HDAC9: variants seen among roughly 807,000 people sequenced by gnomAD.
The protein encoded by HDAC9 is histone deacetylase 9.
Under a neutral mutation model 139.4 loss-of-function variants are expected in HDAC9, and 41 were observed. The ratio of observed to expected loss-of-function variants is 0.29; its 90% CI spans 0.23 to 0.38. The LOEUF (loss-of-function observed/expected upper bound fraction) is 0.38. HDAC9 is among the 10% of genes least tolerant of loss of function. HDAC9 has a pLI of 1.00. For missense variants in HDAC9, 1,147 were observed against 1,297.0 expected (o/e 0.88, Z 1.78); for synonymous variants, 517 against 476.2 (o/e 1.09, Z -1.12).
chr7:18,779,533 G>A (rs887384345), intron 16 of HDAC9, among the ~76,000 whole-genome samples: 10 of 151,964 alleles, frequency 6.6e-5, no homozygotes, highest in South Asian at 4.1e-4. Flanking sequence ...AAAACTGCTC[G>A]GAATAGTTTT....
intron 1 of HDAC9, among the ~76,000 whole-genome samples, chr7:18,105,818 A>G (rs986526665): frequency 6.6e-6 from 1 of 152,214 alleles, no homozygotes; most frequent in African/African-American, 2.4e-5. Context: ...GAAAGTGGAA[A>G]CAACCCAAAT....
chr7:18,433,177 C>A (rs1431858748), intron 1 of HDAC9, among the ~76,000 whole-genome samples: 1 of 152,112 alleles, frequency 6.6e-6, no homozygotes, highest in Non-Finnish European at 1.5e-5. Context: ...AAAAAAGGCT[C>A]TTGATAAAAT....
intron 2 of HDAC9, among the ~76,000 whole-genome samples, chr7:18,521,943 CA>C (rs1805187456): frequency 6.6e-6 from 1 of 152,104 alleles, no homozygotes; most frequent in Non-Finnish European, 1.5e-5. Flanking sequence ...GTTGAATGAA[CA>C]TTTGTTGAAA....
At chr7:18,408,200 A>G (rs1438403427) in intron 1 of HDAC9, among the ~76,000 whole-genome samples, 2 of 152,326 alleles carry the variant, frequency 1.3e-5, no homozygotes, top group Admixed American at 6.5e-5. Flanking sequence ...TTGAAGAACC[A>G]ACCTAAAGGT....
chr7:18,587,024 G>C (rs1829669838), intron 3 of HDAC9, among the ~76,000 whole-genome samples: 1 of 152,106 alleles, frequency 6.6e-6, no homozygotes, highest in Non-Finnish European at 1.5e-5. Context: ...CATACTTTAA[G>C]ATGTAAGGGA....
intron 1 of HDAC9, among the ~76,000 whole-genome samples, chr7:18,464,639 G>A (rs1794117771): frequency 6.6e-6 from 1 of 151,944 alleles, no homozygotes; most frequent in Non-Finnish European, 1.5e-5. Flanking sequence ...ATGACAGGGA[G>A]CATTGCTATA....
At position 18,440,408 on chromosome 7, in the gene HDAC9, C is replaced by T. The variant is rs553777609; in HGVS notation, c.-41-55854C>T. Among the ~76,000 whole-genome samples, 6 of 152,010 alleles carry T rather than the reference C, an allele frequency of 3.9e-5. No homozygotes were observed. In the South Asian group the frequency reaches 1.2e-3, roughly 32 times the overall value. On this transcript the variant is annotated intron_variant, in intron 1 of 3. Transcript: ENST00000413509. ...CCATGTTGGTCAGGCTGGTCTCGAA[C>T]CCCTGACCACAAGTGCTCTGCCCAC...
At chr7:18,893,033 G>GAAAAAAA (rs71960483) in intron 22 of HDAC9, among the ~76,000 whole-genome samples, 451 of 66,622 alleles carry the variant, frequency 6.8e-3, no homozygotes, top group African/African-American at 0.016. Context: ...GTAATAGGCC[G>GAAAAAAA]AAAAAAAAAA....
At chr7:18,861,024 A>C (rs1798063772) in intron 21 of HDAC9, among the ~76,000 whole-genome samples, 1 of 152,188 alleles carries the variant, frequency 6.6e-6, no homozygotes, top group South Asian at 2.1e-4. Context: ...AGACTGATTT[A>C]GTAATGCTTA....
At chr7:18,757,823 T>C (rs1023283401) in intron 14 of HDAC9, among the ~76,000 whole-genome samples, 1 of 152,166 alleles carries the variant, frequency 6.6e-6, no homozygotes, top group African/African-American at 2.4e-5. Context: ...ATTTCTTCTA[T>C]AATCGGGATG....
intron 11 of HDAC9, among the ~76,000 whole-genome samples, chr7:18,659,020 A>G (rs987753156): frequency 8.6e-5 from 13 of 152,042 alleles, no homozygotes; most frequent in Non-Finnish European, 1.3e-4. Flanking sequence ...TTCACTTTGC[A>G]TAGTTTAATA....
intron 12 of HDAC9, among the ~76,000 whole-genome samples, chr7:18,674,342 C>G (rs982412399): frequency 1.6e-4 from 25 of 152,006 alleles, no homozygotes; most frequent in African/African-American, 5.8e-4. Flanking sequence ...TAATTGCTTT[C>G]TAATATTTCA....
At chr7:18,317,850 T>C (rs1240267556) in intron 1 of HDAC9, among the ~76,000 whole-genome samples, 1 of 152,206 alleles carries the variant, frequency 6.6e-6, no homozygotes, top group Admixed American at 6.5e-5. Flanking sequence ...AAATACTTAG[T>C]AGTCTAACAG....
chr7:18,617,828 C>G (rs569945835), intron 6 of HDAC9, among the ~76,000 whole-genome samples: 35 of 152,052 alleles, frequency 2.3e-4, no homozygotes, highest in Non-Finnish European at 4.1e-4. Flanking sequence ...AACTAATACA[C>G]ATTTATTTGG....
intron 6 of HDAC9, among the ~76,000 whole-genome samples, chr7:18,606,447 G>A (rs906523649): frequency 7.9e-5 from 12 of 152,146 alleles, no homozygotes; most frequent in African/African-American, 2.7e-4. Context: ...ATTAACATCA[G>A]TGTCCAGCTT....
intron 17 of HDAC9, among the ~76,000 whole-genome samples, chr7:18,823,911 G>A (rs2129201268): frequency 6.6e-6 from 1 of 151,948 alleles, no homozygotes; most frequent in South Asian, 2.1e-4. Context: ...CCCACGGGTT[G>A]AGACTGCAGT....
chr7:18,697,388 C>T (rs939134083), intron 12 of HDAC9, among the ~76,000 whole-genome samples: 1 of 152,112 alleles, frequency 6.6e-6, no homozygotes, highest in South Asian at 2.1e-4. Flanking sequence ...ACAGGTGAAA[C>T]ATCACCCATA....
chr7:18,720,497 C>G (rs1037799644), intron 12 of HDAC9, among the ~76,000 whole-genome samples: 1 of 151,398 alleles, frequency 6.6e-6, no homozygotes, highest in African/African-American at 2.4e-5. Context: ...ATTTTAAAGA[C>G]AAAATATACT....
chr7:18,460,649 T>C (rs1461657109), intron 1 of HDAC9, among the ~76,000 whole-genome samples: 1 of 151,850 alleles, frequency 6.6e-6, no homozygotes, highest in Non-Finnish European at 1.5e-5. Flanking sequence ...CGAGGCGTGG[T>C]GGCACATGTC....
Sources: allele counts gnomAD v4.1 joint callset (sites outside exome capture counted in the v4.1 genomes callset), GRCh38; gene constraint gnomAD v4.1.1; transcripts MANE v1.5; gene names NCBI Gene and HGNC (gene_info 2026-07-23, HGNC 2026-07-21).